Variants in ST7 observed in about 807,000 individuals in gnomAD.
ST7 encodes the protein suppressor of tumorigenicity 7 protein.
Under a neutral mutation model 78.7 loss-of-function variants are expected in ST7, and 28 were observed. The observed-to-expected ratio is 0.36, with a 90% CI of 0.26 to 0.49. The LOEUF (loss-of-function observed/expected upper bound fraction) is 0.49. Ranked by LOEUF, ST7 falls within the 20% of genes least tolerant of loss-of-function variation. The pLI is 0.99. For missense variants in ST7, 418 were observed against 696.0 expected (o/e 0.60, Z 4.49); for synonymous variants, 247 against 249.6 (o/e 0.99, Z 0.10).
chr7:116,989,381 G>A (rs1794326328), intron 1 of ST7, among the ~76,000 whole-genome samples: 1 of 152,108 alleles, frequency 6.6e-6, no homozygotes, highest in South Asian at 2.1e-4. Flanking sequence ...TTAGGTAATA[G>A]CCTGTCAATC....
chr7:117,132,266 A>T (rs1174960975), intron 6 of ST7, among the ~76,000 whole-genome samples: 1 of 151,850 alleles, frequency 6.6e-6, no homozygotes, highest in East Asian at 1.9e-4. Context: ...AAACATTCTG[A>T]CAGGGAAAAT....
At chr7:117,173,566 A>AGTG (rs1186397442) in intron 10 of ST7, 1 of 152,190 alleles carries the variant, frequency 6.6e-6, no homozygotes, top group Non-Finnish European at 1.5e-5. Flanking sequence ...TGGGCGAGGA[A>AGTG]GTGGGTGCTT....
chr7:117,225,832 G>A (rs967166966), intron 15 of ST7, among the ~76,000 whole-genome samples: 11 of 152,316 alleles, frequency 7.2e-5, no homozygotes, highest in East Asian at 1.9e-4. Context: ...ACAGGGAAGC[G>A]TGAACCACTG....
At chr7:117,062,571 T>C (rs1798414989) in intron 1 of ST7, among the ~76,000 whole-genome samples, 1 of 152,232 alleles carries the variant, frequency 6.6e-6, no homozygotes, top group Non-Finnish European at 1.5e-5. Context: ...GCAGTGCCAT[T>C]CATGTGTTTA....
At chr7:116,987,392 G>A (rs1015774056) in intron 1 of ST7, among the ~76,000 whole-genome samples, 3 of 152,172 alleles carry the variant, frequency 2.0e-5, no homozygotes, top group Non-Finnish European at 2.9e-5. Flanking sequence ...GCCTGCTGTG[G>A]CATCACTGGC....
intron 1 of ST7, among the ~76,000 whole-genome samples, chr7:116,960,675 A>G (rs1562978080): frequency 6.6e-6 from 1 of 152,170 alleles, no homozygotes; most frequent in Non-Finnish European, 1.5e-5. Flanking sequence ...AATATGAGGT[A>G]CTTAACTTGT....
At chr7:117,225,710 C>G (rs1049713828) in intron 15 of ST7, among the ~76,000 whole-genome samples, 1 of 152,154 alleles carries the variant, frequency 6.6e-6, no homozygotes, top group African/African-American at 2.4e-5. Context: ...GTCCCTGGGA[C>G]AATGACCTTT....
intron 3 of ST7, among the ~76,000 whole-genome samples, chr7:117,120,690 C>T (rs1803298333): frequency 6.6e-6 from 1 of 152,230 alleles, no homozygotes; most frequent in South Asian, 2.1e-4. Flanking sequence ...TGTACACTAT[C>T]TCTCTACTTC....
intron 1 of ST7, chr7:117,081,134 C>G: frequency 6.6e-6 from 1 of 152,114 alleles, no homozygotes; most frequent in East Asian, 1.9e-4. Context: ...AAAATTATAA[C>G]TTGAAAATAT....
intron 1 of ST7, among the ~76,000 whole-genome samples, chr7:117,094,593 C>T (rs1800882457): frequency 6.6e-6 from 1 of 152,190 alleles, no homozygotes; most frequent in Non-Finnish European, 1.5e-5. Flanking sequence ...AGGCACTCAG[C>T]AGCTATAGAC....
intron 9 of ST7, among the ~76,000 whole-genome samples, chr7:117,140,308 C>A (rs1021177785): frequency 2.0e-5 from 3 of 152,112 alleles, no homozygotes; most frequent in African/African-American, 7.2e-5. Flanking sequence ...AGTCAAAACA[C>A]CTGGATGTGG....
chr7:117,166,369 A>C (rs903372334), intron 9 of ST7, among the ~76,000 whole-genome samples: 3 of 152,004 alleles, frequency 2.0e-5, no homozygotes, highest in Admixed American at 1.3e-4. Context: ...ACTTCTAATG[A>C]CAACATATAA....
rs937509342 is a variant in ST7, at chr7:117,088,920, G to A, written c.152-10842G>A. Among the ~76,000 whole-genome samples, 4 of 152,054 alleles carry A rather than the reference G, an allele frequency of 2.6e-5. 1 individual carries two copies. Among genetic ancestry groups the A allele is most frequent in the African/African-American group, 7.2e-5 (3 of 41,386 alleles). On this transcript the variant is annotated intron_variant, in intron 1 of 15. Transcript: ENST00000323984. ...AATCCAAACATTTCAATTCCCCAGAGCACCAAGCACTAAGTAAGAAAAAAA... is the reference window on the plus strand; with the variant it reads ...AATCCAAACATTTCAATTCCCCAGAACACCAAGCACTAAGTAAGAAAAAAA...
chr7:117,130,038 AC>A lies in ST7; in HGVS notation c.449+192del, dbSNP rs1181225934. Among the ~76,000 whole-genome samples the A allele has an allele frequency of 1.7e-4, 26 of 152,034 alleles. No individual in the cohort carries two copies. In the East Asian group the frequency reaches 4.1e-3, roughly 24 times the overall value. ...TTTAGCACTAGATTTGGGATAATGT[AC>A]AAAAATGTGTAGTTTTTAGAGTTTT... is the stretch of plus-strand genomic sequence containing the variant. On this transcript the variant is annotated intron_variant, in intron 4 of 15. Coordinates refer to ENST00000323984, the MANE Select transcript of ST7 (RefSeq NM_001369598.1).
rs1796469896 is a variant in ST7, at chr7:117,031,364, G to GTGTGTATATGTGTGTATATA, written c.152-68388_152-68369dup. On this transcript the variant is annotated intron_variant, in intron 1 of 15. Transcript: ENST00000323984. ...CTGAACCTAAAATAAATGTGTGTGTGTGTGTATATGTGTGTATATATGTGT... is the reference window on the plus strand; with the variant it reads ...CTGAACCTAAAATAAATGTGTGTGTGTGTGTATATGTGTGTATATATGTGTATATGTGTGTATATATGTGT... Among the ~76,000 whole-genome samples, 8 of 1,298 alleles carry GTGTGTATATGTGTGTATATA rather than the reference G, an allele frequency of 6.2e-3. 1 individual carries two copies. The highest frequency in any genetic ancestry group is 7.8e-3 in the African/African-American group (8 of 1,028). 0.9% of individuals were successfully genotyped at this position (1,298 alleles called of 152,430 possible).
intron 1 of ST7, among the ~76,000 whole-genome samples, chr7:116,955,761 T>G (rs1196041365): frequency 2.0e-5 from 3 of 152,234 alleles, no homozygotes; most frequent in Non-Finnish European, 4.4e-5. Context: ...GGAAAATGTG[T>G]ACTTCTTAAG....
intron 1 of ST7, among the ~76,000 whole-genome samples, chr7:117,006,841 T>G (rs1173191745): frequency 6.6e-6 from 1 of 152,232 alleles, no homozygotes; most frequent in African/African-American, 2.4e-5. Flanking sequence ...ATATCTGTTA[T>G]GGTGAGCTGT....
chr7:116,997,160 C>T (rs183444473), intron 1 of ST7, among the ~76,000 whole-genome samples: 6 of 152,228 alleles, frequency 3.9e-5, no homozygotes, highest in East Asian at 1.9e-4. Context: ...TGCAGACCTT[C>T]GCAGTGAGTG....
chr7:117,224,980 C>T (rs1793346505), intron 15 of ST7, among the ~76,000 whole-genome samples: 1 of 152,198 alleles, frequency 6.6e-6, no homozygotes, highest in Non-Finnish European at 1.5e-5. Context: ...CCGGAACTTT[C>T]TTGGTCTGGG....
Sources: allele counts gnomAD v4.1 joint callset (sites outside exome capture counted in the v4.1 genomes callset), GRCh38; gene constraint gnomAD v4.1.1; transcripts MANE v1.5; gene names NCBI Gene and HGNC (gene_info 2026-07-23, HGNC 2026-07-21).